The following PHIP variants were observed in gnomAD, a reference collection of about 807,000 sequenced individuals.
The protein encoded by PHIP is PHIP subunit of CUL4-Ring ligase complex, also known as PH-interacting protein.
In PHIP, 54 loss-of-function variants were observed where a neutral mutation model predicts 236.8. That is an observed-to-expected ratio of 0.23 (90% CI 0.18 to 0.29). PHIP has a LOEUF of 0.29. Ranked by LOEUF, PHIP falls within the 10% of genes least tolerant of loss-of-function variation. PHIP has a pLI of 1.00. For missense variants in PHIP, 1,370 were observed against 2,190.8 expected, an observed-to-expected ratio of 0.63 and a Z score of 7.48; for synonymous variants, 756 against 718.9, an observed-to-expected ratio of 1.05 and a Z score of -0.83.
rs140101828 is a variant in PHIP at position 78,961,808 on chromosome 6, T to C, written c.3538A>G (p.Ile1180Val). The C allele has an allele frequency of 5.0e-6, 8 of 1,603,154 alleles. No individual in the cohort carries two copies. The highest frequency in any genetic ancestry group is 2.7e-5 in the African/African-American group (2 of 74,442). Residue 1180 changes from isoleucine (I) to valine (V), a missense_variant and splice_region_variant, in exon 31 of 40, where the codon ATT becomes GTT. Transcript: ENST00000275034. ...AGINQLMTLD[I>V]ASAFVAPVDL... ...ACGGGGGCCACAAATGCTGAGGCAA[T>C]ATCTAAAATAAATAGATAAGTTTGT...
intron 7 of PHIP, among the ~76,000 whole-genome samples, chr6:79,041,333 T>C (rs1772200942): frequency 6.6e-6 from 1 of 152,086 alleles, no homozygotes; most frequent in Non-Finnish European, 1.5e-5. Flanking sequence ...AAGCACACTA[T>C]TTCACTGCAT....
intron 6 of PHIP, among the ~76,000 whole-genome samples, chr6:79,051,459 T>C (rs1295756428): frequency 6.6e-6 from 1 of 152,182 alleles, no homozygotes; most frequent in African/African-American, 2.4e-5. Context: ...CCATGATAGC[T>C]TCTCTCTTCG....
chr6:78,983,733 T>A (rs1012026670), intron 22 of PHIP, among the ~76,000 whole-genome samples: 6 of 152,164 alleles, frequency 3.9e-5, no homozygotes, highest in African/African-American at 1.4e-4. Context: ...TCTACCTACC[T>A]ACACCCTACA....
chr6:79,036,464 ACCT>A lies in PHIP; in HGVS notation c.600+6376_600+6378del, dbSNP rs570614464. Among the ~76,000 whole-genome samples the A allele has an allele frequency of 5.6e-4, 85 of 152,206 alleles. 1 individual carries two copies. The highest frequency in any genetic ancestry group is 2.0e-3 in the African/African-American group (81 of 41,522). On this transcript the variant is annotated intron_variant, in intron 7 of 39. Coordinates refer to ENST00000275034, the MANE Select transcript of PHIP (RefSeq NM_017934.7). ...AAATGCTCACTATTGCTTCTAAACA[ACCT>A]CCTATGCACTTAAAATAATTTTGAA...
Position 78,982,891 on chromosome 6 carries a change from G to T in PHIP, c.2764C>A (p.Gln922Lys), listed in dbSNP as rs771694254. ...PKKKKPKERKQKRLAVGELTE... is the reference protein window; with the variant it reads ...PKKKKPKERKKKRLAVGELTE... Reference sequence around the variant, plus strand: ...TGTAATGTTAAAAACCAAACCTTTTGTTTTCTTTCTTTGGGCTTCTTTTTC... The same window carrying T: ...TGTAATGTTAAAAACCAAACCTTTTTTTTTCTTTCTTTGGGCTTCTTTTTC... Residue 922 changes from glutamine (Q) to lysine (K), a missense_variant, in exon 23 of 40, where the codon CAA (glutamine) becomes AAA (lysine). By Grantham distance (53) the Gln-to-Lys change is moderately conservative. Transcript: ENST00000275034. 3.1e-5 allele frequency: 48 copies of T among 1,552,142 alleles called. 1 individual carries two copies. The South Asian group carries it at 5.7e-4, about 18-fold the overall frequency.
At chr6:78,989,526 A>G (rs564379092) in intron 20 of PHIP, among the ~76,000 whole-genome samples, 32 of 152,260 alleles carry the variant, frequency 2.1e-4, no homozygotes, top group African/African-American at 7.2e-4. Context: ...ATCGAAAATA[A>G]CCAATTAAAT....
chr6:79,016,854 T>C (rs1770854268), intron 12 of PHIP, among the ~76,000 whole-genome samples: 1 of 151,968 alleles, frequency 6.6e-6, no homozygotes, highest in Non-Finnish European at 1.5e-5. Flanking sequence ...TCAAAAGTGA[T>C]TCAAGGTCAC....
Position 78,941,347 on chromosome 6 carries a change from GT to G in PHIP, c.4829-18del, listed in dbSNP as rs1315560206. 6.3e-7 allele frequency: 1 copy of G among 1,585,494 alleles called. No homozygotes were observed. The highest frequency in any genetic ancestry group is 8.6e-7 in the Non-Finnish European group (1 of 1,166,588). On this transcript the variant is annotated intron_variant, in intron 39 of 39. Transcript: ENST00000275034. ...TACAATCTCCTAAAAGGGAACAACA[GT>G]ACACTTAATATATGGAGTTTCTTTT...
At chr6:78,976,256 GA>G (rs202155907) in intron 24 of PHIP, among the ~76,000 whole-genome samples, 47,725 of 146,732 alleles carry the variant, frequency 0.33, 8,951 homozygotes, top group East Asian at 0.67. Flanking sequence ...ACAAACCTGA[GA>G]AAAACAAGCA....
Position 79,077,497 on chromosome 6 carries a change from C to T in PHIP, c.140G>A (p.Arg47Gln), listed in dbSNP as rs1774231590. ...CTCCTTCCCGGTCCAGTCGGTGCGC[C>T]GGGGCAGCAGCTGCGGGGAGAGGAC... ...REVAEKELLP[R>Q]RTDWTGKEHP... Residue 47 changes from arginine (R) to glutamine (Q), a missense_variant, in exon 4 of 40, where the codon CGG becomes CAG. By Grantham distance (43) the Arg-to-Gln change is conservative. Coordinates refer to ENST00000275034, the MANE Select transcript of PHIP (RefSeq NM_017934.7). 3 of 1,556,012 alleles carry T rather than the reference C, an allele frequency of 1.9e-6. No individual in the cohort carries two copies. The highest frequency in any genetic ancestry group is 1.7e-6 in the Non-Finnish European group (2 of 1,150,250).
chr6:78,971,201 T>C (rs2127706284), intron 24 of PHIP, among the ~76,000 whole-genome samples: 1 of 152,338 alleles, frequency 6.6e-6, no homozygotes, highest in East Asian at 1.9e-4. Flanking sequence ...ATAAGTTTAT[T>C]GTCCACTTTT....
At chr6:78,992,530 A>C (rs1769332793) in intron 19 of PHIP, among the ~76,000 whole-genome samples, 1 of 151,984 alleles carries the variant, frequency 6.6e-6, no homozygotes, top group African/African-American at 2.4e-5. Context: ...GCAATGAGCA[A>C]ATGCCATTTT....
At chr6:79,060,984 T>C (rs546301808) in intron 4 of PHIP, among the ~76,000 whole-genome samples, 166 bp from the exon 5 acceptor site, 1 of 152,348 alleles carries the variant, frequency 6.6e-6, no homozygotes, top group Admixed American at 6.5e-5. Context: ...GATAGTTTGT[T>C]ATTAAAAAAT....
chr6:79,064,933 C>A (rs899715456), intron 4 of PHIP, among the ~76,000 whole-genome samples: 1 of 152,130 alleles, frequency 6.6e-6, no homozygotes, highest in Admixed American at 6.5e-5. Flanking sequence ...ATTGATGGAT[C>A]CTCATGAAAA....
intron 31 of PHIP, among the ~76,000 whole-genome samples, chr6:78,961,285 C>T (rs576983525): frequency 3.3e-4 from 50 of 151,600 alleles, no homozygotes; most frequent in African/African-American, 1.1e-3. Flanking sequence ...ATACATAATA[C>T]GAATACAAAA....
At chr6:78,990,603 T>C (rs2127723666) in intron 20 of PHIP, among the ~76,000 whole-genome samples, 1 of 152,180 alleles carries the variant, frequency 6.6e-6, no homozygotes, top group African/African-American at 2.4e-5. Context: ...CTAAAGAAAG[T>C]TCTTGATGAG....
intron 7 of PHIP, among the ~76,000 whole-genome samples, chr6:79,035,407 T>TAC (rs1231855911): frequency 5.9e-5 from 9 of 152,202 alleles, no homozygotes; most frequent in Non-Finnish European, 1.2e-4. Context: ...GGAAACAGTT[T>TAC]ACTTCTGTTC....
chr6:78,998,749 G>A (rs931710119), intron 17 of PHIP, among the ~76,000 whole-genome samples: 1 of 152,034 alleles, frequency 6.6e-6, no homozygotes, highest in Non-Finnish European at 1.5e-5. Context: ...GCAATAGTAA[G>A]GTTTTCCACT....
chr6:78,939,481 A>T lies in PHIP; in HGVS notation c.*1212T>A, dbSNP rs927068424. 1.3e-5 allele frequency: 2 copies of T among 151,848 alleles called. No individual in the cohort carries two copies. The highest frequency in any genetic ancestry group is 3.0e-5 in the Non-Finnish European group (2 of 67,780). The allele number at this position is 151,848 out of a possible 1,614,324, so 9.4% of individuals were successfully genotyped here. On this transcript the variant is annotated 3_prime_UTR_variant, in exon 40 of 40. Transcript: ENST00000275034. ...TGAAAATAACCAATTTCCCCCTTAA[A>T]ATTAAACTATAAAGTATGACATTTT...
Sources: gnomAD v4.1 joint callset for allele counts (sites outside exome capture counted in the v4.1 genomes callset) on GRCh38, gnomAD v4.1.1 for gene constraint, MANE v1.5 for transcripts, NCBI Gene and HGNC (gene_info 2026-07-23, HGNC 2026-07-21) for gene names.